Variants in EGFL7 observed in about 807,000 individuals in gnomAD.
EGFL7 encodes EGF like domain multiple 7.
EGFL7 carries 48 observed loss-of-function variants against 37.1 expected under a neutral mutation model. The observed-to-expected ratio is 1.29, with a 90% confidence interval of 1.03 to 1.65. The LOEUF is 1.65. Ranked by LOEUF, EGFL7 falls within the 40% of genes most tolerant of loss-of-function variation. The pLI is 0.00. For missense variants in EGFL7, 384 were observed against 378.9 expected (o/e 1.01, Z -0.11); for synonymous variants, 180 against 156.8 (o/e 1.15, Z -1.10).
rs1366289070 is a variant in EGFL7 at position 136,672,653 on chromosome 9, C to G, written c.*367C>G. On this transcript the variant is annotated 3_prime_UTR_variant, in exon 11 of 11. Transcript: ENST00000308874. ...CCTCAGTGGGGGCTGCTGCCTGACC[C>G]CCAGCACAATAAAAATGAAACGTGA... is the stretch of plus-strand genomic sequence containing the variant. 2.3e-5 allele frequency: 9 copies of G among 392,034 alleles called. No individual in the cohort carries two copies. The highest frequency in any genetic ancestry group is 1.8e-4 in the African/African-American group (9 of 49,784). 24.3% of individuals were successfully genotyped at this position (392,034 alleles called of 1,614,324 possible). A position where few individuals can be genotyped will look rare whatever the true frequency, so the allele number is the denominator to read the frequency against.
intron 8 of EGFL7, 47 bp downstream of exon 8, chr9:136,670,377 G>A (rs766798160): frequency 5.3e-5 from 80 of 1,501,442 alleles, no homozygotes; most frequent in Admixed American, 3.9e-4. Flanking sequence ...GGCAGGCAGT[G>A]GACATTGCCG....
upstream of EGFL7, among the ~76,000 whole-genome samples, chr9:136,660,996 G>A (rs572861683): frequency 3.2e-4 from 49 of 152,240 alleles, no homozygotes; most frequent in Admixed American, 1.2e-3. Flanking sequence ...GCATGCAGGT[G>A]GGGGAGGAGG....
chr9:136,659,957 C>T (rs1051594243), upstream of EGFL7, among the ~76,000 whole-genome samples: 1 of 152,122 alleles, frequency 6.6e-6, no homozygotes, highest in East Asian at 1.9e-4. Context: ...GGCGTGGGGC[C>T]CGGCCTGGCT....
intron 9 of EGFL7, among the ~76,000 whole-genome samples, chr9:136,671,481 A>AG: frequency 6.6e-6 from 1 of 152,058 alleles, no homozygotes; most frequent in East Asian, 1.9e-4. Context: ...CTGACTGCCG[A>AG]GGGGGCCCTG....
rs1315033438 is a variant in EGFL7 at position 136,671,894 on chromosome 9, G to C, written c.637-32G>C. 2.1e-6 allele frequency: 3 copies of C among 1,461,664 alleles called. No individual in the cohort carries two copies. In the African/African-American group the frequency reaches 4.2e-5, roughly 21 times the overall value. The allele number at this position is 1,461,664 out of a possible 1,614,324, so 90.5% of individuals were successfully genotyped here. A position where few individuals can be genotyped will look rare whatever the true frequency, so the allele number is the denominator to read the frequency against. On this transcript the variant is annotated intron_variant, in intron 9 of 10. Coordinates refer to ENST00000308874, the MANE Select transcript of EGFL7 (RefSeq NM_016215.5). ...CGGTGGAGCAGAGAGGGCGGGGGCCGGCCCAGGGTCACTGCCCTTCTGCAC... is the reference window on the plus strand; with the variant it reads ...CGGTGGAGCAGAGAGGGCGGGGGCCCGCCCAGGGTCACTGCCCTTCTGCAC...
At position 136,669,970 on chromosome 9, in the gene EGFL7, C is replaced by T. The variant is rs200036562; in HGVS notation, c.370C>T (p.Arg124Cys). 125 of 1,604,092 alleles carry T rather than the reference C, an allele frequency of 7.8e-5. No individual in the cohort carries two copies. Among genetic ancestry groups the T allele is most frequent in the Middle Eastern group, 5.0e-4 (3 of 5,946 alleles). Residue 124 changes from arginine (R) to cysteine (C), a missense_variant, in exon 7 of 11, where the codon CGC (arginine) becomes TGC (cysteine). Physicochemically the swap from Arg to Cys is radical, Grantham distance 180. Coordinates refer to ENST00000308874, the MANE Select transcript of EGFL7 (RefSeq NM_016215.5). Reference sequence around the variant, plus strand: ...GAGCTGTGTCCAGCCTGGCCGCTGCCGCTGCCCTGCAGGATGGCGGGGTGA... The same window carrying T: ...GAGCTGTGTCCAGCCTGGCCGCTGCTGCTGCCCTGCAGGATGGCGGGGTGA... ...GGSCVQPGRC[R>C]CPAGWRGDTC...
upstream of EGFL7, among the ~76,000 whole-genome samples, chr9:136,661,578 C>A (rs995278231): frequency 1.3e-5 from 2 of 152,204 alleles, no homozygotes; most frequent in Non-Finnish European, 1.5e-5. Context: ...GAAGCAGGTG[C>A]AGAAACAGGC....
intron 9 of EGFL7, among the ~76,000 whole-genome samples, 182 bp from the exon 10 acceptor site, chr9:136,671,744 C>T (rs1293616975): frequency 6.6e-6 from 1 of 152,222 alleles, no homozygotes; most frequent in Non-Finnish European, 1.5e-5. Context: ...CCTGATGCCC[C>T]AGGCACCCAC....
rs1416391742 is a variant in EGFL7, at chr9:136,668,274, G to GAGAAGGC, written c.-9_-8insAGAAGGC. On this transcript the variant is annotated 5_prime_UTR_variant, in exon 4 of 11. Transcript: ENST00000308874. ...GAGGAGAAGGCCACCCCGCCTGGAGGCACAGGCCATGAGGGGCTCTCAGGA... is the reference window on the plus strand; with the variant it reads ...GAGGAGAAGGCCACCCCGCCTGGAGGAGAAGGCCACAGGCCATGAGGGGCTCTCAGGA... The GAGAAGGC allele has an allele frequency of 6.2e-7, 1 of 1,600,844 alleles. No individual in the cohort carries two copies. The highest frequency in any genetic ancestry group is 1.3e-5 in the African/African-American group (1 of 74,736).
At chr9:136,661,360 C>G (rs962538080), upstream of EGFL7, among the ~76,000 whole-genome samples, 1 of 152,050 alleles carries the variant, frequency 6.6e-6, no homozygotes, top group Non-Finnish European at 1.5e-5. Context: ...GCCAGGGGGC[C>G]GAGGGAGGCA....
upstream of EGFL7, among the ~76,000 whole-genome samples, chr9:136,659,878 G>C (rs1200762244): frequency 2.0e-5 from 3 of 152,212 alleles, no homozygotes; most frequent in Non-Finnish European, 4.4e-5. Context: ...CGCAGGCCTT[G>C]GGGTGGCCAC....
chr9:136,660,795 C>A (rs1009070932), upstream of EGFL7, among the ~76,000 whole-genome samples: 5 of 152,160 alleles, frequency 3.3e-5, no homozygotes, highest in Admixed American at 3.3e-4. Flanking sequence ...TGGGGCTCCC[C>A]AAGAAGAGGA....
At chr9:136,670,387 G>A (rs542817706) in intron 8 of EGFL7, 57 bp downstream of exon 8, 291 of 1,490,470 alleles carry the variant, frequency 2.0e-4, no homozygotes, top group Non-Finnish European at 2.3e-4. Context: ...GGACATTGCC[G>A]TGTGGCTGTT....
At chr9:136,671,328 G>A (rs535914196) in intron 9 of EGFL7, among the ~76,000 whole-genome samples, 6 of 151,722 alleles carry the variant, frequency 4.0e-5, no homozygotes, top group Non-Finnish European at 8.8e-5. Context: ...GAGGTGAGAC[G>A]TCGGCAGGGG....
chr9:136,665,983 GCGGGCCGGGGCGCCCGCGGCTGGGT>G (rs1293116282), intron 3 of EGFL7, among the ~76,000 whole-genome samples: 20 of 146,184 alleles, frequency 1.4e-4, no homozygotes, highest in Middle Eastern at 3.4e-3. Context: ...CGGGGGCGGA[GCGGGCCGGGGCGCCCGCGGCTGGGT>G]CGGGCCGGGC....
intron 2 of EGFL7, among the ~76,000 whole-genome samples, 191 bp from the exon 3 acceptor site, chr9:136,664,501 G>T (rs897612885): frequency 4.6e-5 from 7 of 152,240 alleles, no homozygotes; most frequent in South Asian, 2.1e-4. Flanking sequence ...CAGGGGCTGC[G>T]GATCCGAGAG....
At position 136,666,594 on chromosome 9, in the gene EGFL7, C is replaced by A. The variant is rs1208160585; in HGVS notation, c.-42-1647C>A. On this transcript the variant is annotated intron_variant, in intron 3 of 10. Transcript: ENST00000308874. The surrounding 1 kb of genome is among the most constrained non-coding windows in gnomAD (Gnocchi z 6.8). ...CAAAAATTGAGTCTCCACTTAGCAC[C>A]GCTTCCTGTCCAGGCGACTCTCAGG... Among the ~76,000 whole-genome samples the A allele has an allele frequency of 6.6e-6, 1 of 152,166 alleles. No homozygotes were observed. The highest frequency in any genetic ancestry group is 1.9e-4 in the East Asian group (1 of 5,156).
chr9:136,664,608 G>T (rs1262969972), intron 2 of EGFL7, 84 bp from the exon 3 acceptor site: 2 of 153,740 alleles, frequency 1.3e-5, no homozygotes, highest in African/African-American at 4.8e-5. Flanking sequence ...ACCGAAAGCT[G>T]GTCCCGGGCC....
intron 3 of EGFL7, chr9:136,665,763 A>G (rs1845425535): frequency 6.9e-6 from 1 of 144,176 alleles, no homozygotes; most frequent in African/African-American, 2.5e-5. Context: ...CGGGGCCCCC[A>G]CGGCGCGGGC....
Sources: gnomAD v4.1 joint callset for allele counts (sites outside exome capture counted in the v4.1 genomes callset) on GRCh38, gnomAD v4.1.1 for gene constraint, Gnocchi (gnomAD v3.1) non-coding constraint, MANE v1.5 for transcripts, NCBI Gene and HGNC (gene_info 2026-07-23, HGNC 2026-07-21) for gene names.